The following MTMR2 variants were observed in gnomAD, a reference collection of about 807,000 sequenced individuals.
The protein encoded by MTMR2 is myotubularin related protein 2, also known as phosphatidylinositol-3,5-bisphosphate 3-phosphatase MTMR2.
MTMR2 carries 55 observed loss-of-function variants against 86.9 expected under a neutral mutation model. The ratio of observed to expected loss-of-function variants is 0.63; its 90% confidence interval spans 0.51 to 0.79. The LOEUF (loss-of-function observed/expected upper bound fraction) is 0.79. MTMR2 is among the 30% of genes least tolerant of loss of function. The pLI is 0.00. For synonymous variants in MTMR2, 241 were observed against 266.8 expected (o/e 0.90, Z 0.94); for missense variants, 659 against 772.3 (o/e 0.85, Z 1.74).
intron 2 of MTMR2, among the ~76,000 whole-genome samples, chr11:95,879,101 T>G (rs1268870524): frequency 2.0e-5 from 3 of 151,944 alleles, no homozygotes; most frequent in African/African-American, 7.3e-5. Context: ...GATCATAACA[T>G]GATAACATCC....
rs1246316258 is a variant in MTMR2 at position 95,924,022 on chromosome 11, G to A, written c.-68C>T. On this transcript the variant is annotated 5_prime_UTR_variant, in exon 1 of 15. Coordinates refer to ENST00000346299, the MANE Select transcript of MTMR2 (RefSeq NM_016156.6). ...GCGGCTACAGGGCGGGAGAAGCGGA[G>A]GGCGGAGTGCTACGGACCGGGGCCG... 2.4e-5 allele frequency: 37 copies of A among 1,539,072 alleles called. No individual in the cohort carries two copies. The highest frequency in any genetic ancestry group is 3.0e-5 in the Non-Finnish European group (34 of 1,137,536).
intron 2 of MTMR2, among the ~76,000 whole-genome samples, chr11:95,878,893 A>G (rs1408199996): frequency 6.6e-6 from 1 of 152,164 alleles, no homozygotes; most frequent in Admixed American, 6.6e-5. Context: ...AAGGAGAATG[A>G]GCCCAGTTTA....
At chr11:95,911,052 C>T (rs899928586) in intron 1 of MTMR2, among the ~76,000 whole-genome samples, 1 of 152,098 alleles carries the variant, frequency 6.6e-6, no homozygotes, top group African/African-American at 2.4e-5. Flanking sequence ...CTGCATTAAA[C>T]TTAGCCAATT....
chr11:95,923,965 G>A lies in MTMR2; in HGVS notation c.-11C>T, dbSNP rs1272148014. 13 of 1,555,218 alleles carry A rather than the reference G, an allele frequency of 8.4e-6. No homozygotes were observed. Among genetic ancestry groups the A allele is most frequent in the Admixed American group, 1.9e-5 (1 of 51,664 alleles). ...CGAGCTCTTCTCCATCGCGCGGCAG[G>A]GGCAGCACAGGGAAAGGCTGAAGCA... On this transcript the variant is annotated 5_prime_UTR_variant, in exon 1 of 15. Coordinates refer to ENST00000346299, the MANE Select transcript of MTMR2 (RefSeq NM_016156.6).
intron 2 of MTMR2, among the ~76,000 whole-genome samples, chr11:95,887,950 G>T (rs1485959552): frequency 6.6e-6 from 1 of 152,136 alleles, no homozygotes; most frequent in Non-Finnish European, 1.5e-5. Context: ...ACTTAGAGGT[G>T]ATCAACCTCA....
chr11:95,865,455 T>G, intron 3 of MTMR2, 146 bp downstream of exon 3: 1 of 802,414 alleles, frequency 1.2e-6, no homozygotes, highest in Non-Finnish European at 2.2e-6. Flanking sequence ...TAGAACACAC[T>G]AAGATGCTGA....
At chr11:95,889,633 T>C (rs559157272) in intron 1 of MTMR2, among the ~76,000 whole-genome samples, 3 of 152,160 alleles carry the variant, frequency 2.0e-5, no homozygotes, top group African/African-American at 7.2e-5. Flanking sequence ...CGGGATTTCA[T>C]GCATGGGCTA....
At chr11:95,907,113 C>T (rs1040151528) in intron 1 of MTMR2, among the ~76,000 whole-genome samples, 1 of 151,842 alleles carries the variant, frequency 6.6e-6, no homozygotes, top group Non-Finnish European at 1.5e-5. Flanking sequence ...GTAGATAGAC[C>T]ACTAGCTAGA....
Position 95,877,331 on chromosome 11 carries a change from C to CTTTTTTTTTTTTTTTT in MTMR2, c.186+10824_186+10825insAAAAAAAAAAAAAAAA, listed in dbSNP as rs1565368414. Among the ~76,000 whole-genome samples the CTTTTTTTTTTTTTTTT allele has an allele frequency of 2.0e-4, 19 of 94,718 alleles. 4 individuals are homozygous for CTTTTTTTTTTTTTTTT. The highest frequency in any genetic ancestry group is 7.9e-4 in the African/African-American group (16 of 20,154). 62.1% of individuals were successfully genotyped at this position (94,718 alleles called of 152,430 possible). A position where few individuals can be genotyped will look rare whatever the true frequency, so the allele number is the denominator to read the frequency against. ...CATTCAAGATCAAGCACAGGGAAGC[C>CTTTTTTTTTTTTTTTT]CTTTTTTTTTTTTTTTTTTTTTTTT... On this transcript the variant is annotated intron_variant, in intron 2 of 14. Coordinates refer to ENST00000346299, the MANE Select transcript of MTMR2 (RefSeq NM_016156.6).
intron 10 of MTMR2, among the ~76,000 whole-genome samples, chr11:95,847,325 G>A (rs1415426514): frequency 1.3e-5 from 2 of 152,124 alleles, no homozygotes; most frequent in African/African-American, 4.8e-5. Context: ...AGCAATATAC[G>A]TTGGTTGACA....
chr11:95,910,281 C>T (rs1260410027), intron 1 of MTMR2, among the ~76,000 whole-genome samples: 1 of 151,888 alleles, frequency 6.6e-6, no homozygotes, highest in Non-Finnish European at 1.5e-5. Context: ...CTGGTTTGGC[C>T]GAGTGTTAAT....
chr11:95,845,523 A>G (rs1863749633), intron 10 of MTMR2, among the ~76,000 whole-genome samples: 1 of 152,172 alleles, frequency 6.6e-6, no homozygotes, highest in South Asian at 2.1e-4. Flanking sequence ...ATAGCAATTG[A>G]AGCCTTGTTA....
chr11:95,836,288 TG>T lies in MTMR2; in HGVS notation c.1629del (p.Tyr543Ter). 2 of 1,613,010 alleles carry T rather than the reference TG, an allele frequency of 1.2e-6. No homozygotes were observed. The highest frequency in any genetic ancestry group is 1.7e-6 in the Non-Finnish European group (2 of 1,179,168). ...LPKRTVSLWS[Y>X]INSQLEDFTN... ...GTGAAGTCTTCCAGCTGGCTGTTTATGTAAGACCACAGTGACACAGTCCTTT... is the reference window on the plus strand; with the variant it reads ...GTGAAGTCTTCCAGCTGGCTGTTTATTAAGACCACAGTGACACAGTCCTTT... On this transcript the variant is annotated frameshift_variant, in exon 14 of 15. Coordinates refer to ENST00000346299, the MANE Select transcript of MTMR2 (RefSeq NM_016156.6). LOFTEE classifies it high-confidence loss of function.
Position 95,841,609 on chromosome 11 carries a change from T to TA in MTMR2, c.1479+7dup. 1 of 1,578,044 alleles carries TA rather than the reference T, an allele frequency of 6.3e-7. No individual in the cohort carries two copies. The highest frequency in any genetic ancestry group is 8.7e-7 in the Non-Finnish European group (1 of 1,150,098). On this transcript the variant is annotated splice_region_variant and intron_variant, in intron 12 of 14. Transcript: ENST00000346299. ...GATGTGTAAGAATACATAGGCCAGA[T>TA]AAATTACCTGTCTTGTCATCTGCCA...
At position 95,888,263 on chromosome 11, in the gene MTMR2, T is replaced by TTCACTTCTG. The variant is rs1175983058; in HGVS notation, c.81-3_81-2insCAGAAGTGA. The TTCACTTCTG allele has an allele frequency of 7.5e-6, 12 of 1,607,016 alleles. No homozygotes were observed. Among genetic ancestry groups the TTCACTTCTG allele is most frequent in the Non-Finnish European group, 1.0e-5 (12 of 1,174,064 alleles). On this transcript the variant is annotated splice_region_variant and splice_polypyrimidine_tract_variant and intron_variant, in intron 1 of 14. Transcript: ENST00000346299. Reference sequence around the variant, plus strand: ...TTCTCTGAATGAGAAGTGGAGGCACTACAAAATACAAAAGTACAGTATGTT... The same window carrying TTCACTTCTG: ...TTCTCTGAATGAGAAGTGGAGGCACTTCACTTCTGACAAAATACAAAAGTACAGTATGTT...
chr11:95,904,987 A>T (rs1866203300), intron 1 of MTMR2, among the ~76,000 whole-genome samples: 1 of 152,062 alleles, frequency 6.6e-6, no homozygotes, highest in Non-Finnish European at 1.5e-5. Flanking sequence ...AATAATCTCC[A>T]CTTTGCTAAA....
intron 2 of MTMR2, among the ~76,000 whole-genome samples, chr11:95,882,912 T>A (rs1432393958): frequency 1.6e-5 from 2 of 128,054 alleles, no homozygotes; most frequent in African/African-American, 5.7e-5. Context: ...TTTTTTTTTT[T>A]TTTTTTTTGT....
intron 1 of MTMR2, among the ~76,000 whole-genome samples, chr11:95,914,780 T>C (rs529479009): frequency 6.6e-6 from 1 of 152,262 alleles, no homozygotes; most frequent in East Asian, 1.9e-4. Context: ...CCTGGGGCAC[T>C]AGATCTTCAG....
chr11:95,912,823 T>C (rs1866559702), intron 1 of MTMR2: 2 of 152,006 alleles, frequency 1.3e-5, no homozygotes, highest in Admixed American at 1.3e-4. Flanking sequence ...ATAAAATCAC[T>C]CCTAACTAGC....
Sources: allele counts gnomAD v4.1 joint callset (sites outside exome capture counted in the v4.1 genomes callset), GRCh38; gene constraint gnomAD v4.1.1; transcripts MANE v1.5; gene names NCBI Gene and HGNC (gene_info 2026-07-23, HGNC 2026-07-21).